Variants in PDE4C observed in about 807,000 individuals in gnomAD.
The protein encoded by PDE4C is 3',5'-cyclic-AMP phosphodiesterase 4C.
Under a neutral mutation model 63.9 loss-of-function variants are expected in PDE4C, and 50 were observed. The ratio of observed to expected loss-of-function variants is 0.78; its 90% CI spans 0.62 to 0.99. The LOEUF (loss-of-function observed/expected upper bound fraction) is 0.99. PDE4C is among the 50% of genes least tolerant of loss of function. PDE4C has a pLI of 0.00. For missense variants in PDE4C, 777 were observed against 899.1 expected (o/e 0.86, Z 1.74); for synonymous variants, 377 against 385.1 (o/e 0.98, Z 0.25).
At chr19:18,230,183 A>G (rs1568263580), upstream of PDE4C, among the ~76,000 whole-genome samples, 1 of 152,164 alleles carries the variant, frequency 6.6e-6, no homozygotes. Context: ...CTGTTCCCTC[A>G]GTACTTGGCA....
At chr19:18,213,327 A>G (rs770291502) in intron 13 of PDE4C, 41 bp downstream of exon 13, 21 of 1,536,692 alleles carry the variant, frequency 1.4e-5, no homozygotes, top group Non-Finnish European at 1.7e-5. Context: ...AGTAAAACCA[A>G]AATTTAAAAA....
intron 1 of PDE4C, among the ~76,000 whole-genome samples, chr19:18,240,284 G>A (rs1969014726): frequency 6.6e-6 from 1 of 151,782 alleles, no homozygotes; most frequent in African/African-American, 2.4e-5. Flanking sequence ...AAATTAGCCA[G>A]GTGTGGTGGT....
At chr19:18,212,445 G>A (rs1224426500) in intron 13 of PDE4C, among the ~76,000 whole-genome samples, 1 of 149,038 alleles carries the variant, frequency 6.7e-6, no homozygotes, top group Admixed American at 6.7e-5. Flanking sequence ...AAAGTGCTGG[G>A]ATTACAGGTG....
exon 13 of PDE4C, chr19:18,213,376 G>T (rs968186165): frequency 6.2e-7 from 1 of 1,613,204 alleles, no homozygotes; most frequent in Admixed American, 1.7e-5. Flanking sequence ...ACCTGGATTC[G>T]GTCGGAATAG....
At chr19:18,218,894 GA>G (rs748785900) in intron 9 of PDE4C, 45 bp downstream of exon 9, 1 of 1,360,762 alleles carries the variant, frequency 7.3e-7, no homozygotes, top group African/African-American at 1.4e-5. Context: ...AGCAGTGAGG[GA>G]AACCCCAGGA....
chr19:18,248,977 A>G (rs1969188922), upstream of PDE4C, among the ~76,000 whole-genome samples: 1 of 150,782 alleles, frequency 6.6e-6, no homozygotes, highest in Admixed American at 6.6e-5. Context: ...GTGAGCTGAG[A>G]TCGTGTCACT....
At chr19:18,253,918 C>T in the PDE4C span, among the ~76,000 whole-genome samples, 16 of 152,342 alleles carry the variant, frequency 1.1e-4, no homozygotes, top group East Asian at 3.9e-4. Context: ...CAACTCTCTG[C>T]TCCACCCATG....
At chr19:18,253,764 A>G in the PDE4C span, among the ~76,000 whole-genome samples, 1,021 of 152,208 alleles carry the variant, frequency 6.7e-3, 17 homozygotes, top group African/African-American at 0.023. Context: ...TGGTCCAGCT[A>G]CTTCCTGGCT....
upstream of PDE4C, among the ~76,000 whole-genome samples, chr19:18,251,769 GTA>G (rs943870717): frequency 7.4e-6 from 1 of 135,602 alleles, no homozygotes; most frequent in Non-Finnish European, 1.6e-5. Flanking sequence ...AGATTTTTTT[GTA>G]GAGACAAAGT....
chr19:18,233,708 C>T, upstream of PDE4C: 1 of 347,580 alleles, frequency 2.9e-6, no homozygotes, highest in South Asian at 2.1e-5. Flanking sequence ...AAGAGCTGTC[C>T]GCGACCTGAT....
At chr19:18,228,935 T>C (rs1968795012), upstream of PDE4C, among the ~76,000 whole-genome samples, 1 of 151,982 alleles carries the variant, frequency 6.6e-6, no homozygotes, top group East Asian at 1.9e-4. Context: ...TTTATTTACA[T>C]ATTATTATTA....
chr19:18,220,939 C>T lies in PDE4C; in HGVS notation c.450-16G>A. 1 of 1,597,756 alleles carries T rather than the reference C, an allele frequency of 6.3e-7. No homozygotes were observed. The highest frequency in any genetic ancestry group is 8.5e-7 in the Non-Finnish European group (1 of 1,173,982). On this transcript the variant is annotated splice_polypyrimidine_tract_variant and intron_variant, in intron 4 of 14. Coordinates refer to ENST00000262805, the Ensembl canonical transcript of PDE4C. The surrounding 1 kb of genome is among the most constrained non-coding windows in gnomAD (Gnocchi z 5.1). ...GGGTCCCTGCCTGCGGTACAGCAGC[C>T]TCAGGCGTGGCTGCTCCGCCCATCT...
chr19:18,247,147 T>C (rs2148075143), intron 1 of PDE4C, among the ~76,000 whole-genome samples: 1 of 152,278 alleles, frequency 6.6e-6, no homozygotes, highest in Middle Eastern at 3.4e-3. Context: ...AGTCAAAACC[T>C]TGTGTCCAGG....
chr19:18,241,433 A>AT (rs544967173), intron 1 of PDE4C, among the ~76,000 whole-genome samples: 2,433 of 151,030 alleles, frequency 0.016, 52 homozygotes, highest in African/African-American at 0.056. Flanking sequence ...TGCCCGGCTA[A>AT]TTTTTTTGTA....
At chr19:18,221,351 C>T (rs1968477909) in intron 2 of PDE4C, 54 bp from the exon 3 acceptor site, 2 of 1,518,386 alleles carry the variant, frequency 1.3e-6, no homozygotes, top group African/African-American at 2.8e-5. Context: ...CAGCTTTTTA[C>T]CCACACCATA....
upstream of PDE4C, chr19:18,226,575 A>C: frequency 2.7e-6 from 1 of 375,958 alleles, no homozygotes; most frequent in Non-Finnish European, 4.6e-6. Context: ...GGGGAAACTG[A>C]GGCACAGAGT....
chr19:18,224,964 G>GA (rs1313519468), intron 1 of PDE4C, among the ~76,000 whole-genome samples: 13 of 152,252 alleles, frequency 8.5e-5, no homozygotes, highest in Non-Finnish European at 1.5e-5. Context: ...AAGGGTTCCA[G>GA]AAAAGCGCGT....
intron 1 of PDE4C, among the ~76,000 whole-genome samples, chr19:18,245,926 C>T (rs2148073342): frequency 6.6e-6 from 1 of 152,138 alleles, no homozygotes; most frequent in South Asian, 2.1e-4. Flanking sequence ...TCACTACAAA[C>T]TTCACCTCCC....
chr19:18,213,870 A>G (rs1207857789), intron 12 of PDE4C, among the ~76,000 whole-genome samples: 1 of 152,110 alleles, frequency 6.6e-6, no homozygotes, highest in Non-Finnish European at 1.5e-5. Flanking sequence ...CAAACCCTAG[A>G]ACCAATCCAG....
Sources: gnomAD v4.1 joint callset for allele counts (sites outside exome capture counted in the v4.1 genomes callset) on GRCh38, gnomAD v4.1.1 for gene constraint, Gnocchi (gnomAD v3.1) non-coding constraint, MANE v1.5 for transcripts, NCBI Gene and HGNC (gene_info 2026-07-23, HGNC 2026-07-21) for gene names.